Variants in BMPR1B observed in about 807,000 individuals in gnomAD.
BMPR1B encodes the protein bone morphogenetic protein receptor type 1B.
A neutral mutation model predicts 59.1 loss-of-function variants in BMPR1B; 12 were observed. That is an observed-to-expected ratio of 0.20 (90% CI 0.13 to 0.33). The LOEUF (loss-of-function observed/expected upper bound fraction) is 0.33. Among genes scored for constraint, BMPR1B ranks in the 10% least tolerant of loss-of-function variants. The pLI, the probability that BMPR1B is intolerant of heterozygous loss-of-function variation, is 1.00. For missense variants in BMPR1B, 550 were observed against 610.9 expected, an observed-to-expected ratio of 0.90 and a Z score of 1.05; for synonymous variants, 237 against 207.3, an observed-to-expected ratio of 1.14 and a Z score of -1.23.
At chr4:94,809,140 G>T (rs1057354299) in intron 1 of BMPR1B, among the ~76,000 whole-genome samples, 19 of 152,138 alleles carry the variant, frequency 1.2e-4, no homozygotes, top group African/African-American at 4.3e-4. Flanking sequence ...TGACATGTTT[G>T]TGGTCACTTT....
At chr4:94,880,635 A>ATTTTTTTTTTT (rs35455973) in intron 2 of BMPR1B, among the ~76,000 whole-genome samples, 1 of 125,262 alleles carries the variant, frequency 8.0e-6, no homozygotes, top group Non-Finnish European at 1.6e-5. Context: ...ATTAAAATGA[A>ATTTTTTTTTTT]TTTTTTTTTT....
intron 2 of BMPR1B, among the ~76,000 whole-genome samples, chr4:94,937,006 G>A (rs1729331873): frequency 1.3e-5 from 2 of 152,126 alleles, no homozygotes; most frequent in African/African-American, 2.4e-5. Flanking sequence ...CTCCAGGACT[G>A]GAGGAATGTG....
chr4:95,129,816 C>G, intron 8 of BMPR1B, 46 bp from the exon 9 acceptor site: 1 of 1,589,230 alleles, frequency 6.3e-7, no homozygotes, highest in Non-Finnish European at 8.6e-7. Flanking sequence ...TTAAACAAAT[C>G]TGTAGCGCTG....
At chr4:94,791,302 TTTA>T (rs1165149930) in intron 1 of BMPR1B, among the ~76,000 whole-genome samples, 1 of 152,132 alleles carries the variant, frequency 6.6e-6, no homozygotes, top group African/African-American at 2.4e-5. Flanking sequence ...AAGTAGGTCT[TTTA>T]TTATTCAATA....
chr4:94,922,212 C>A (rs1310922354), intron 2 of BMPR1B, among the ~76,000 whole-genome samples: 2 of 152,088 alleles, frequency 1.3e-5, no homozygotes, highest in African/African-American at 4.8e-5. Flanking sequence ...TGGGCTCAAG[C>A]AGTCCTCCTA....
intron 3 of BMPR1B, among the ~76,000 whole-genome samples, chr4:95,018,690 A>C (rs1309681544): frequency 6.6e-6 from 1 of 152,224 alleles, no homozygotes; most frequent in African/African-American, 2.4e-5. Context: ...CACACAACTG[A>C]AATGTCTTCC....
rs372035253 is a variant in BMPR1B, at chr4:94,902,676, G to A, written c.-113+26776G>A. ...CAAAGTAGAATCATTTAATCTTTGA[G>A]TTATTGCTTAATACATATGTTGGGA... On this transcript the variant is annotated intron_variant, in intron 2 of 12. Coordinates refer to ENST00000515059, the MANE Select transcript of BMPR1B (RefSeq NM_001203.3). Among the ~76,000 whole-genome samples the A allele has an allele frequency of 1.6e-4, 24 of 151,940 alleles. No homozygotes were observed. The East Asian group carries it at 1.7e-3, about 11-fold the overall frequency.
intron 5 of BMPR1B, 28 bp downstream of exon 5, chr4:95,114,850 C>A: frequency 6.5e-7 from 1 of 1,542,840 alleles, no homozygotes; most frequent in South Asian, 1.1e-5. Flanking sequence ...ATTCTGTAAC[C>A]TTTCATTGGC....
intron 1 of BMPR1B, among the ~76,000 whole-genome samples, chr4:94,841,436 C>G (rs532390370): frequency 6.6e-6 from 1 of 152,048 alleles, no homozygotes; most frequent in African/African-American, 2.4e-5. Context: ...TAGGACCCTC[C>G]GAGCCAGGTG....
intron 1 of BMPR1B, among the ~76,000 whole-genome samples, chr4:94,875,608 C>T (rs1435186189): frequency 1.3e-5 from 2 of 152,098 alleles, no homozygotes; most frequent in Non-Finnish European, 2.9e-5. Context: ...GGTGTGAACC[C>T]GGGAGGCGGA....
Position 94,844,720 on chromosome 4 carries a change from C to A in BMPR1B, c.-182-31111C>A, listed in dbSNP as rs117826459. ...AGATTGTTTCACATACAATATGGGCCATAGGCAGTTTAGTTTCACCAGATT... is the reference window on the plus strand; with the variant it reads ...AGATTGTTTCACATACAATATGGGCAATAGGCAGTTTAGTTTCACCAGATT... On this transcript the variant is annotated intron_variant, in intron 1 of 12. Coordinates refer to ENST00000515059, the MANE Select transcript of BMPR1B (RefSeq NM_001203.3). Among the ~76,000 whole-genome samples the A allele has an allele frequency of 2.8e-3, 431 of 152,228 alleles. 17 individuals carry two copies. The East Asian group carries it at 0.073, about 26-fold the overall frequency.
intron 2 of BMPR1B, among the ~76,000 whole-genome samples, chr4:94,917,613 A>G (rs1439209580): frequency 1.3e-5 from 2 of 152,138 alleles, no homozygotes; most frequent in South Asian, 4.1e-4. Context: ...CTGTATCCCC[A>G]TATTATCTTG....
chr4:95,003,163 TAGAA>T (rs1299055111), intron 3 of BMPR1B, among the ~76,000 whole-genome samples: 2 of 152,176 alleles, frequency 1.3e-5, no homozygotes, highest in Non-Finnish European at 2.9e-5. Context: ...TTTTGAAACT[TAGAA>T]AGTCTTTTTA....
intron 4 of BMPR1B, among the ~76,000 whole-genome samples, chr4:95,110,523 A>G (rs1731553010): frequency 6.6e-6 from 1 of 151,984 alleles, no homozygotes; most frequent in Non-Finnish European, 1.5e-5. Context: ...GGGAAAGTAG[A>G]CTCATATGTA....
Position 95,104,495 on chromosome 4 carries a change from C to T in BMPR1B, c.71C>T (p.Thr24Ile), listed in dbSNP as rs912115035. The stretch of plus-strand genomic sequence containing the variant: ...GAGGATGGTGAGAGTACAGCCCCCA[C>T]CCCCCGTCCAAAGGTCTTGCGTTGT... ...KKEDGESTAP[T>I]PRPKVLRCKC... Residue 24 changes from threonine to isoleucine, a missense_variant, in exon 4 of 13, where the codon ACC (threonine) becomes ATC (isoleucine). Around this residue, in one of 6 missense-constraint regions of BMPR1B, gnomAD observed 43 missense variants for 35.4 expected, o/e 1.22. Transcript: ENST00000515059. 1.2e-6 allele frequency: 2 copies of T among 1,613,322 alleles called. No individual in the cohort carries two copies. Among genetic ancestry groups the T allele is most frequent in the South Asian group, 1.1e-5 (1 of 91,064 alleles).
At chr4:94,844,582 T>C (rs754638803) in intron 1 of BMPR1B, among the ~76,000 whole-genome samples, 5 of 152,114 alleles carry the variant, frequency 3.3e-5, no homozygotes, top group Admixed American at 1.3e-4. Flanking sequence ...ATGGGTACTA[T>C]GTAGAGGAGC....
chr4:94,776,342 A>G (rs1722369709), intron 1 of BMPR1B, among the ~76,000 whole-genome samples: 1 of 152,212 alleles, frequency 6.6e-6, no homozygotes. Flanking sequence ...AGCAGATTTT[A>G]TGGTGATGCA....
intron 4 of BMPR1B, among the ~76,000 whole-genome samples, chr4:95,106,294 G>C (rs2149267608): frequency 6.6e-6 from 1 of 152,008 alleles, no homozygotes; most frequent in East Asian, 1.9e-4. Flanking sequence ...GTGGTGGTAG[G>C]GTTGACATGA....
intron 3 of BMPR1B, among the ~76,000 whole-genome samples, chr4:95,048,988 A>G (rs1028789636): frequency 6.6e-6 from 1 of 152,228 alleles, no homozygotes; most frequent in Non-Finnish European, 1.5e-5. Flanking sequence ...ATATTGCTAA[A>G]TGAAAGAAAT....
Sources: allele counts gnomAD v4.1 joint callset (sites outside exome capture counted in the v4.1 genomes callset), GRCh38; gene constraint gnomAD v4.1.1; regional missense constraint gnomAD v4.1.1; transcripts MANE v1.5; gene names NCBI Gene and HGNC (gene_info 2026-07-23, HGNC 2026-07-21).